The following RELN variants were observed in gnomAD, a reference collection of about 807,000 sequenced individuals.
RELN encodes reelin.
RELN carries 108 observed loss-of-function variants against 427.6 expected under a neutral mutation model. The observed-to-expected ratio is 0.25, with a 90% CI of 0.22 to 0.30. The LOEUF is 0.30. RELN is among the 10% of genes least tolerant of loss of function. RELN has a pLI of 1.00. For synonymous variants in RELN, 1,524 were observed against 1,513.4 expected (o/e 1.01, Z -0.16); for missense variants, 3,715 against 4,302.8 (o/e 0.86, Z 3.82).
At chr7:103,918,979 T>G (rs1472563655) in intron 1 of RELN, among the ~76,000 whole-genome samples, 4 of 152,134 alleles carry the variant, frequency 2.6e-5, no homozygotes, top group Admixed American at 2.6e-4. Context: ...TTGAAATGAA[T>G]TGATTATAAT....
intron 2 of RELN, among the ~76,000 whole-genome samples, chr7:103,880,423 G>C (rs951050594): frequency 4.6e-5 from 7 of 152,092 alleles, no homozygotes; most frequent in African/African-American, 1.7e-4. Flanking sequence ...TTTCAAATGT[G>C]AGAAAACTAA....
intron 21 of RELN, 60 bp downstream of exon 21, chr7:103,611,550 TG>T: frequency 6.7e-6 from 9 of 1,334,672 alleles, no homozygotes; most frequent in Admixed American, 2.1e-5. Flanking sequence ...TTTTTTTTTT[TG>T]GCTTCCTAGG....
chr7:103,754,515 G>C (rs949692075), intron 4 of RELN, among the ~76,000 whole-genome samples: 2 of 152,084 alleles, frequency 1.3e-5, no homozygotes, highest in African/African-American at 4.8e-5. Flanking sequence ...GCTCATGCCT[G>C]TAATCCCAGC....
chr7:103,564,105 T>A (rs1306522387), intron 34 of RELN, among the ~76,000 whole-genome samples: 2 of 152,198 alleles, frequency 1.3e-5, no homozygotes, highest in African/African-American at 4.8e-5. Flanking sequence ...TAAAACACAG[T>A]AGATATTCAA....
chr7:103,589,580 A>C lies in RELN; in HGVS notation c.4145+16T>G, dbSNP rs1312638190. 1.9e-6 allele frequency: 3 copies of C among 1,556,716 alleles called. No homozygotes were observed. The highest frequency in any genetic ancestry group is 2.7e-6 in the Non-Finnish European group (3 of 1,127,638). ...CTTTCTTAATGGCCCAAACCCATTA[A>C]GAATGATTACTTTACCTGGATGCAA... On this transcript the variant is annotated intron_variant, in intron 28 of 64. Transcript: ENST00000428762.
intron 2 of RELN, among the ~76,000 whole-genome samples, chr7:103,848,948 T>A (rs1269416256): frequency 2.0e-5 from 3 of 152,290 alleles, no homozygotes; most frequent in East Asian, 3.9e-4. Context: ...TTTATCACAG[T>A]CAATCTACTT....
chr7:103,657,866 T>C (rs950542724), intron 12 of RELN, among the ~76,000 whole-genome samples: 1 of 152,068 alleles, frequency 6.6e-6, no homozygotes, highest in African/African-American at 2.4e-5. Flanking sequence ...TGCAGGAAGA[T>C]TTCAATAAAA....
intron 1 of RELN, among the ~76,000 whole-genome samples, chr7:103,978,851 C>A (rs10487180): frequency 0.13 from 19,094 of 152,182 alleles, 1,361 homozygotes; most frequent in Middle Eastern, 0.28. Context: ...AGTTGTAATA[C>A]CTGCATCAGG....
intron 11 of RELN, among the ~76,000 whole-genome samples, chr7:103,678,366 T>C (rs1833583336): frequency 6.6e-6 from 1 of 152,188 alleles, no homozygotes; most frequent in South Asian, 2.1e-4. Flanking sequence ...ACATAAATTA[T>C]CAGTGTATCT....
chr7:103,525,244 C>T (rs1232069130), intron 46 of RELN, among the ~76,000 whole-genome samples: 1 of 152,162 alleles, frequency 6.6e-6, no homozygotes, highest in Non-Finnish European at 1.5e-5. Flanking sequence ...AATGATGTTT[C>T]TTCCATGCTA....
At chr7:103,758,663 T>A (rs2116116999) in intron 4 of RELN, among the ~76,000 whole-genome samples, 1 of 149,946 alleles carries the variant, frequency 6.7e-6, no homozygotes, top group South Asian at 2.1e-4. Flanking sequence ...GAGAAAAAAA[T>A]GAAATTTTAA....
At chr7:103,499,581 C>G (rs1194272996) in intron 53 of RELN, among the ~76,000 whole-genome samples, 1 of 151,890 alleles carries the variant, frequency 6.6e-6, no homozygotes. Flanking sequence ...ATGATTTAAA[C>G]AGTTTCTTTT....
At chr7:103,482,850 G>T (rs762542898) in intron 63 of RELN, 23 bp downstream of exon 63, 2 of 1,612,126 alleles carry the variant, frequency 1.2e-6, no homozygotes, top group Non-Finnish European at 8.5e-7. Flanking sequence ...ATGGACATGG[G>T]ATGCCATGTA....
chr7:103,542,768 T>C lies in RELN; in HGVS notation c.6634A>G (p.Met2212Val), dbSNP rs771356396. Residue 2212 changes from methionine to valine, a missense_variant, in exon 43 of 65, where the codon ATG (methionine) becomes GTG (valine). Coordinates refer to ENST00000428762, the MANE Select transcript of RELN (RefSeq NM_005045.4). ...NLFFNEDGLR[M>V]LMTRDLDLSH... is the part of the protein sequence containing the mutation. ...AAATCCAGGTCTCGTGTCATCAACATGCGCAAGCCATCTTCATTGAAAAAG... is the reference window on the plus strand; with the variant it reads ...AAATCCAGGTCTCGTGTCATCAACACGCGCAAGCCATCTTCATTGAAAAAG... 7 of 1,614,070 alleles carry C rather than the reference T, an allele frequency of 4.3e-6. No individual in the cohort carries two copies. In the South Asian group the frequency reaches 4.4e-5, roughly 10 times the overall value.
intron 13 of RELN, among the ~76,000 whole-genome samples, chr7:103,653,364 C>T (rs1224447480): frequency 6.6e-6 from 1 of 152,040 alleles, no homozygotes; most frequent in African/African-American, 2.4e-5. Flanking sequence ...GCTGGATATT[C>T]ACTCTGGTTG....
intron 47 of RELN, 78 bp downstream of exon 47, chr7:103,523,313 A>G: frequency 6.4e-7 from 1 of 1,560,510 alleles, no homozygotes; most frequent in Non-Finnish European, 8.8e-7. Context: ...AGTGATTCAA[A>G]AACCAGTTAC....
chr7:103,502,300 A>G, intron 52 of RELN, among the ~76,000 whole-genome samples: 1 of 152,248 alleles, frequency 6.6e-6, no homozygotes, highest in East Asian at 1.9e-4. Flanking sequence ...GACACTGGGA[A>G]CTGTGCGTAA....
chr7:103,767,530 C>T (rs1366374920), intron 4 of RELN, among the ~76,000 whole-genome samples: 1 of 152,064 alleles, frequency 6.6e-6, no homozygotes, highest in East Asian at 1.9e-4. Flanking sequence ...CTATCTATAC[C>T]ACACTCATAT....
intron 12 of RELN, among the ~76,000 whole-genome samples, chr7:103,657,954 C>G (rs1290637894): frequency 1.3e-5 from 2 of 152,030 alleles, no homozygotes; most frequent in African/African-American, 4.8e-5. Context: ...AGGCAGTAAA[C>G]TGTGTTGTGC....
Sources: gnomAD v4.1 joint callset for allele counts (sites outside exome capture counted in the v4.1 genomes callset) on GRCh38, gnomAD v4.1.1 for gene constraint, MANE v1.5 for transcripts, NCBI Gene and HGNC (gene_info 2026-07-23, HGNC 2026-07-21) for gene names.